TOP1: variants seen among roughly 807,000 people sequenced by gnomAD.
TOP1 encodes the protein DNA topoisomerase I.
In TOP1, 10 loss-of-function variants were observed where a neutral mutation model predicts 111.1. The observed-to-expected ratio is 0.09, with a 90% CI of 0.06 to 0.15. The LOEUF is 0.15. Among genes scored for constraint, TOP1 ranks in the 10% least tolerant of loss-of-function variants. TOP1 has a pLI of 1.00. For missense variants in TOP1, 474 were observed against 926.7 expected (o/e 0.51, Z 6.34); for synonymous variants, 271 against 302.9 (o/e 0.89, Z 1.10).
At chr20:41,086,183 A>G (rs900949803) in intron 8 of TOP1, among the ~76,000 whole-genome samples, 12 of 151,794 alleles carry the variant, frequency 7.9e-5, no homozygotes, top group African/African-American at 2.9e-4. Context: ...GAATTGCTTG[A>G]ACCTGGGAGG....
chr20:41,064,069 T>C (rs1041604076), intron 3 of TOP1, among the ~76,000 whole-genome samples: 1 of 152,220 alleles, frequency 6.6e-6, no homozygotes, highest in Non-Finnish European at 1.5e-5. Flanking sequence ...ATTTGATTCA[T>C]CTTGAATTGA....
intron 8 of TOP1, among the ~76,000 whole-genome samples, chr20:41,091,520 G>T (rs912899321): frequency 6.6e-6 from 1 of 151,082 alleles, no homozygotes; most frequent in South Asian, 2.1e-4. Flanking sequence ...AAAATGGTTC[G>T]GCCAAAATAG....
At chr20:41,081,539 T>C (rs2145938598) in intron 7 of TOP1, among the ~76,000 whole-genome samples, 1 of 152,330 alleles carries the variant, frequency 6.6e-6, no homozygotes, top group South Asian at 2.1e-4. Context: ...TCTTCATATA[T>C]ACAGAGGCAG....
rs1004183036 is a variant in TOP1, at chr20:41,095,991, T to A, written c.731-1229T>A. Among the ~76,000 whole-genome samples, 3 of 152,244 alleles carry A rather than the reference T, an allele frequency of 2.0e-5. No homozygotes were observed. The highest frequency in any genetic ancestry group is 7.2e-5 in the African/African-American group (3 of 41,470). ...ATTGCTTTATTAACTAAATCAGGTA[T>A]ATAAAACCCATAGGCCCTATTCAGA... On this transcript the variant is annotated intron_variant, in intron 9 of 20. Transcript: ENST00000361337. The surrounding 1 kb of genome is among the most constrained non-coding windows in gnomAD (Gnocchi z 4.6).
At chr20:41,089,914 TG>T (rs1273687880) in intron 8 of TOP1, among the ~76,000 whole-genome samples, 1 of 152,220 alleles carries the variant, frequency 6.6e-6, no homozygotes, top group Admixed American at 6.5e-5. Context: ...AGGTGCTTAT[TG>T]GCCACTTGTA....
At chr20:41,085,951 C>G (rs1016177884) in intron 8 of TOP1, among the ~76,000 whole-genome samples, 2 of 152,148 alleles carry the variant, frequency 1.3e-5, no homozygotes, top group African/African-American at 2.4e-5. Context: ...AACCCTGCCT[C>G]TTTCTAGAGG....
In TOP1 at chr20:41,100,390, G is replaced by C; in HGVS notation, c.1163+147G>C. 1.7e-6 allele frequency: 1 copy of C among 606,012 alleles called. No individual in the cohort carries two copies. The allele number at this position is 606,012 out of a possible 1,614,324, so 37.5% of individuals were successfully genotyped here. ...GTATTTCATGCGTAGGTCTCCAGAT[G>C]TTTTTGAGGTACAGTTGTCTCCCCT... On this transcript the variant is annotated intron_variant, in intron 12 of 20. Transcript: ENST00000361337. The surrounding 1 kb of genome is among the most constrained non-coding windows in gnomAD (Gnocchi z 4.4).
chr20:41,103,162 A>G (rs901499917), intron 13 of TOP1, among the ~76,000 whole-genome samples: 3 of 152,220 alleles, frequency 2.0e-5, no homozygotes, highest in Non-Finnish European at 4.4e-5. Context: ...AATGATCAAA[A>G]TAACAGAGTT....
rs1293698857 is a variant in TOP1, at chr20:41,124,282, T to TA, written c.*991dup. 3.0e-5 allele frequency: 7 copies of TA among 232,930 alleles called. No individual in the cohort carries two copies. The East Asian group carries it at 4.3e-4, about 14-fold the overall frequency. 14.4% of individuals were successfully genotyped at this position (232,930 alleles called of 1,614,324 possible). On this transcript the variant is annotated 3_prime_UTR_variant, in exon 21 of 21. Transcript: ENST00000361337. This position sits in a 1 kb window ranked among gnomAD's most constrained non-coding sequence, Gnocchi z 5.4. ...TTTTATTTTTTCTTTTGTAATTGTG[T>TA]AAAAAATGGAAAAAAACATAAAAAG...
intron 3 of TOP1, among the ~76,000 whole-genome samples, chr20:41,063,557 A>G (rs2033571871): frequency 1.3e-5 from 2 of 152,232 alleles, no homozygotes; most frequent in Non-Finnish European, 2.9e-5. Flanking sequence ...CATTCTCATC[A>G]ACAGTGTATA....
chr20:41,116,366 A>G lies in TOP1; in HGVS notation c.1796A>G (p.Gln599Arg). The change falls in exon 17 of 21, where the codon CAG becomes CGG. Residue 599 changes from glutamine (Q) to arginine (R), a missense_variant. This residue lies in a region of TOP1 where 18 missense variants were observed against 20.5 expected (regional missense o/e 0.88). Transcript: ENST00000361337. The surrounding 1 kb of genome is among the most constrained non-coding windows in gnomAD (Gnocchi z 5.6). ...ACATACAATGCCTCCATCACGCTACAGCAGCAGCTAAAAGAACTGACAGCC... is the reference window on the plus strand; with the variant it reads ...ACATACAATGCCTCCATCACGCTACGGCAGCAGCTAAAAGAACTGACAGCC... Reference protein sequence around the residue: ...FRTYNASITLQQQLKELTAPD... With the variant: ...FRTYNASITLRQQLKELTAPD... The G allele has an allele frequency of 6.2e-7, 1 of 1,614,066 alleles. No individual in the cohort carries two copies. The highest frequency in any genetic ancestry group is 8.5e-7 in the Non-Finnish European group (1 of 1,179,992).
chr20:41,028,939 A>C lies in TOP1; in HGVS notation c.-129A>C. The C allele has an allele frequency of 1.3e-6, 1 of 741,210 alleles. No homozygotes were observed. Among genetic ancestry groups the C allele is most frequent in the Non-Finnish European group, 2.2e-6 (1 of 453,174 alleles). The allele number at this position is 741,210 out of a possible 1,614,324, so 45.9% of individuals were successfully genotyped here. The stretch of plus-strand genomic sequence containing the variant: ...CAGCCGTTTCTGGAGTCTCGGGCCC[A>C]CAGTCACCGCCGCTTACCTGCGCCT... On this transcript the variant is annotated 5_prime_UTR_variant, in exon 1 of 21. Coordinates refer to ENST00000361337, the MANE Select transcript of TOP1 (RefSeq NM_003286.4).
chr20:41,062,086 CT>C (rs2145927345), intron 3 of TOP1, among the ~76,000 whole-genome samples: 1 of 152,250 alleles, frequency 6.6e-6, no homozygotes, highest in African/African-American at 2.4e-5. Flanking sequence ...GAAGATGTTT[CT>C]TTTGTTCATT....
At chr20:41,068,534 G>A (rs1381671228) in intron 3 of TOP1, among the ~76,000 whole-genome samples, 1 of 152,058 alleles carries the variant, frequency 6.6e-6, no homozygotes, top group Non-Finnish European at 1.5e-5. Context: ...TTGAATAGCT[G>A]GGACAATAGG....
In TOP1 at chr20:41,092,424, T is replaced by C. The variant is rs2033931016; in HGVS notation, c.615-48T>C. On this transcript the variant is annotated intron_variant, in intron 8 of 20. Transcript: ENST00000361337. This position sits in a 1 kb window ranked among gnomAD's most constrained non-coding sequence, Gnocchi z 4.3. ...GGCATTTAATCAGTGATGATCCCCA[T>C]GTTAGACAAGGCGATCACTAAATGA... 2.2e-6 allele frequency: 2 copies of C among 916,374 alleles called. No individual in the cohort carries two copies. The highest frequency in any genetic ancestry group is 2.2e-4 in the Middle Eastern group (1 of 4,470). The allele number at this position is 916,374 out of a possible 1,614,324, so 56.8% of individuals were successfully genotyped here. A position where few individuals can be genotyped will look rare whatever the true frequency, so the allele number is the denominator to read the frequency against.
chr20:41,029,081 A>C lies in TOP1; in HGVS notation c.14A>C (p.His5Pro). 6.5e-7 allele frequency: 1 copy of C among 1,535,256 alleles called. No individual in the cohort carries two copies. Among genetic ancestry groups the C allele is most frequent in the African/African-American group, 1.4e-5 (1 of 69,664 alleles). ...CTCCGGGCCGACATGAGTGGGGACC[A>C]CCTCCACAACGATTCCCAGGTACGG... is the stretch of plus-strand genomic sequence containing the variant. MSGD[H>P]LHNDSQIEAD... Residue 5 changes from histidine to proline, a missense_variant, in exon 1 of 21, where the codon CAC becomes CCC. Physicochemically the swap from His to Pro is moderately conservative, Grantham distance 77. Transcript: ENST00000361337. This position sits in a 1 kb window ranked among gnomAD's most constrained non-coding sequence, Gnocchi z 6.1.
rs1047747560 is a variant in TOP1 at position 41,077,494 on chromosome 20, C to T, written c.280-88C>T. 4.7e-6 allele frequency: 5 copies of T among 1,055,904 alleles called. No individual in the cohort carries two copies. The African/African-American group carries it at 6.3e-5, about 13-fold the overall frequency. 65.4% of individuals were successfully genotyped at this position (1,055,904 alleles called of 1,614,324 possible). The stretch of plus-strand genomic sequence containing the variant: ...AGAGCCAGCTTGTGATCATGATGTC[C>T]CAGGAACTGATGCTACATATTCTCA... On this transcript the variant is annotated intron_variant, in intron 4 of 20. Transcript: ENST00000361337.
chr20:41,075,918 C>G (rs2033721456), intron 3 of TOP1, among the ~76,000 whole-genome samples: 1 of 152,150 alleles, frequency 6.6e-6, no homozygotes, highest in Non-Finnish European at 1.5e-5. Context: ...ACAGGGCTGG[C>G]TGTGTATTCT....
In TOP1 at chr20:41,115,531, C is replaced by T. The variant is rs2034315221; in HGVS notation, c.1707+92C>T. On this transcript the variant is annotated intron_variant, in intron 16 of 20. Transcript: ENST00000361337. This position sits in a 1 kb window ranked among gnomAD's most constrained non-coding sequence, Gnocchi z 6.3. ...GGGTTGCTGGCAGATGACTTGGGCT[C>T]TCCCTTTAGCCTGGCCTGCTCTGTG... 1 of 946,280 alleles carries T rather than the reference C, an allele frequency of 1.1e-6. No individual in the cohort carries two copies. The highest frequency in any genetic ancestry group is 2.4e-5 in the East Asian group (1 of 41,282). The allele number at this position is 946,280 out of a possible 1,614,324, so 58.6% of individuals were successfully genotyped here.
Sources: allele counts gnomAD v4.1 joint callset (sites outside exome capture counted in the v4.1 genomes callset), GRCh38; gene constraint gnomAD v4.1.1; regional missense constraint gnomAD v4.1.1; non-coding constraint Gnocchi (gnomAD v3.1); transcripts MANE v1.5; gene names NCBI Gene and HGNC (gene_info 2026-07-23, HGNC 2026-07-21).